The following COMMD1 variants were observed in gnomAD, a reference collection of about 807,000 sequenced individuals.
The protein encoded by COMMD1 is copper metabolism domain containing 1, also known as COMM domain-containing protein 1.
A neutral mutation model predicts 17.2 loss-of-function variants in COMMD1; 10 were observed. The ratio of observed to expected loss-of-function variants is 0.58; its 90% confidence interval spans 0.36 to 0.99. COMMD1 has a LOEUF of 0.99. Among genes scored for constraint, COMMD1 ranks in the 50% least tolerant of loss-of-function variants. COMMD1 has a pLI of 0.01. For synonymous variants in COMMD1, 97 were observed against 91.6 expected (o/e 1.06, Z -0.34); for missense variants, 270 against 231.8 (o/e 1.17, Z -1.07).
chr2:61,896,176 T>C (rs1669544950), intron 1 of COMMD1, among the ~76,000 whole-genome samples: 1 of 152,200 alleles, frequency 6.6e-6, no homozygotes, highest in Non-Finnish European at 1.5e-5. Context: ...GGTTTGAATA[T>C]CTTTGTCCAC....
chr2:61,940,709 G>A (rs1670721569), intron 1 of COMMD1, among the ~76,000 whole-genome samples: 1 of 150,114 alleles, frequency 6.7e-6, no homozygotes, highest in Non-Finnish European at 1.5e-5. Flanking sequence ...TTTTTTTGAG[G>A]CAGAGTCTCT....
intron 1 of COMMD1, among the ~76,000 whole-genome samples, chr2:61,908,860 C>T (rs780897556): frequency 6.6e-6 from 1 of 152,172 alleles, no homozygotes. Context: ...AGCCACTGAG[C>T]CCTGCCAAAT....
At chr2:61,969,119 T>C in intron 1 of COMMD1, 1 of 344,324 alleles carries the variant, frequency 2.9e-6, no homozygotes, top group Non-Finnish European at 5.9e-6. Flanking sequence ...CCACCACATC[T>C]GGCTTTTATA....
chr2:62,015,441 T>C (rs960839681), intron 2 of COMMD1, among the ~76,000 whole-genome samples: 3 of 152,256 alleles, frequency 2.0e-5, no homozygotes, highest in Non-Finnish European at 4.4e-5. Context: ...ATATTTGAGT[T>C]GTTTCCACCT....
At chr2:62,043,767 G>C (rs910745724) in intron 2 of COMMD1, among the ~76,000 whole-genome samples, 1 of 152,184 alleles carries the variant, frequency 6.6e-6, no homozygotes, top group African/African-American at 2.4e-5. Flanking sequence ...AAATTTACAA[G>C]ATCAGTGGTA....
At chr2:61,947,024 G>A (rs1670926119) in intron 1 of COMMD1, among the ~76,000 whole-genome samples, 1 of 152,078 alleles carries the variant, frequency 6.6e-6, no homozygotes, top group Non-Finnish European at 1.5e-5. Context: ...GTCGTGAATT[G>A]TCTGTCACAT....
chr2:62,094,891 G>T (rs1671956865), intron 2 of COMMD1, among the ~76,000 whole-genome samples: 1 of 152,224 alleles, frequency 6.6e-6, no homozygotes, highest in Admixed American at 6.5e-5. Flanking sequence ...TAGCTGGTCA[G>T]TTTTCAAATG....
chr2:61,918,344 A>G (rs1470698043), intron 1 of COMMD1, among the ~76,000 whole-genome samples: 1 of 152,234 alleles, frequency 6.6e-6, no homozygotes, highest in Non-Finnish European at 1.5e-5. Context: ...AATACATGAG[A>G]CATATTATTC....
intron 2 of COMMD1, among the ~76,000 whole-genome samples, chr2:62,086,863 T>G (rs191270829): frequency 3.9e-5 from 6 of 152,236 alleles, no homozygotes; most frequent in East Asian, 1.9e-4. Flanking sequence ...TTTTGTTTTT[T>G]TTTTTAATTT....
At chr2:61,897,424 C>A (rs1173612108) in intron 1 of COMMD1, among the ~76,000 whole-genome samples, 1 of 152,118 alleles carries the variant, frequency 6.6e-6, no homozygotes, top group Non-Finnish European at 1.5e-5. Context: ...AGAGCTCCAG[C>A]CAAGAACCCT....
At chr2:62,092,727 AG>A in intron 2 of COMMD1, among the ~76,000 whole-genome samples, 1 of 152,144 alleles carries the variant, frequency 6.6e-6, no homozygotes, top group Non-Finnish European at 1.5e-5. Context: ...GGTTTTGAGG[AG>A]CCCTTGACAA....
At chr2:62,061,810 T>C (rs1241071386) in intron 2 of COMMD1, among the ~76,000 whole-genome samples, 1 of 151,978 alleles carries the variant, frequency 6.6e-6, no homozygotes, top group Non-Finnish European at 1.5e-5. Context: ...TCCACCTGCT[T>C]TGGCCTCCCA....
chr2:62,077,673 T>TATAA lies in COMMD1; in HGVS notation c.463-58142_463-58139dup, dbSNP rs748773111. ...ACTCTGTAAAATATTTTAAGAGATT[T>TATAA]ATAAATAAATAAATAAATATATTTA... On this transcript the variant is annotated intron_variant, in intron 2 of 2. Coordinates refer to ENST00000311832, the MANE Select transcript of COMMD1 (RefSeq NM_152516.4). 5.9e-5 allele frequency among the ~76,000 whole-genome samples: 9 copies of TATAA among 151,900 alleles called. No individual in the cohort carries two copies. The South Asian group carries it at 8.3e-4, about 14-fold the overall frequency.
intron 2 of COMMD1, among the ~76,000 whole-genome samples, chr2:62,071,202 T>C (rs1671190882): frequency 6.6e-6 from 1 of 152,222 alleles, no homozygotes; most frequent in Non-Finnish European, 1.5e-5. Flanking sequence ...TTCCTCCCCC[T>C]TTTATACCAT....
At chr2:61,996,787 A>G (rs6717161) in intron 1 of COMMD1, among the ~76,000 whole-genome samples, 7,636 of 152,202 alleles carry the variant, frequency 0.05, 661 homozygotes, top group African/African-American at 0.17. Context: ...TTCACTTCTA[A>G]TTCTTGTTCT....
At chr2:61,934,684 G>A (rs749041833) in intron 1 of COMMD1, among the ~76,000 whole-genome samples, 2 of 152,226 alleles carry the variant, frequency 1.3e-5, no homozygotes, top group Admixed American at 6.5e-5. Flanking sequence ...GTGAAATTGA[G>A]AGGCAAACAA....
At chr2:61,940,991 G>A (rs998771742) in intron 1 of COMMD1, among the ~76,000 whole-genome samples, 9 of 150,346 alleles carry the variant, frequency 6.0e-5, no homozygotes, top group African/African-American at 2.2e-4. Flanking sequence ...CCCGGCTGGG[G>A]TGAATTCTTT....
chr2:62,030,654 T>A (rs1669887595), intron 2 of COMMD1, among the ~76,000 whole-genome samples: 1 of 152,368 alleles, frequency 6.6e-6, no homozygotes, highest in South Asian at 2.1e-4. Flanking sequence ...ATTTTCTACC[T>A]TTTCTAAACA....
chr2:62,012,754 T>C (rs1669321311), intron 2 of COMMD1, among the ~76,000 whole-genome samples: 1 of 152,198 alleles, frequency 6.6e-6, no homozygotes, highest in Non-Finnish European at 1.5e-5. Context: ...AAAGCTATTA[T>C]AAGCAAAAGG....
Sources: gnomAD v4.1 joint callset for allele counts (sites outside exome capture counted in the v4.1 genomes callset) on GRCh38, gnomAD v4.1.1 for gene constraint, MANE v1.5 for transcripts, NCBI Gene and HGNC (gene_info 2026-07-23, HGNC 2026-07-21) for gene names.